Variants in NTAQ1 observed in about 807,000 individuals in gnomAD.
NTAQ1 encodes the protein N-terminal glutamine amidase 1.
NTAQ1 carries 21 observed loss-of-function variants against 28.2 expected under a neutral mutation model. That is an observed-to-expected ratio of 0.74 (90% CI 0.53 to 1.07). The LOEUF (loss-of-function observed/expected upper bound fraction) is 1.07, where lower values mean the gene tolerates loss of function less well. NTAQ1 is among the 50% of genes least tolerant of loss of function. NTAQ1 has a pLI of 0.00. For synonymous variants in NTAQ1, 105 were observed against 90.0 expected (o/e 1.17, Z -0.94); for missense variants, 264 against 256.6 (o/e 1.03, Z -0.20).
chr8:123,443,814 C>T (rs1429428522), downstream of NTAQ1, among the ~76,000 whole-genome samples: 1 of 152,192 alleles, frequency 6.6e-6, no homozygotes, highest in East Asian at 1.9e-4. Flanking sequence ...CTCAAGCAGT[C>T]TGCCCACCTC....
chr8:123,455,506 A>G (rs569172495), intron 6 of NTAQ1, among the ~76,000 whole-genome samples: 2 of 149,064 alleles, frequency 1.3e-5, no homozygotes, highest in Non-Finnish European at 1.5e-5. Context: ...GCTCATTACA[A>G]CCGTCGCCTC....
In NTAQ1 at chr8:123,425,271, T is replaced by C. The variant is rs184739182; in HGVS notation, c.84-2653T>C. Among the ~76,000 whole-genome samples, 24 of 152,046 alleles carry C rather than the reference T, an allele frequency of 1.6e-4. No individual in the cohort carries two copies. In the East Asian group the frequency reaches 4.5e-3, roughly 28 times the overall value. On this transcript the variant is annotated intron_variant, in intron 1 of 5. Coordinates refer to ENST00000287387, the MANE Select transcript of NTAQ1 (RefSeq NM_018024.3). The stretch of plus-strand genomic sequence containing the variant: ...CACGCCCAGCTAATTTTTGTATTTT[T>C]AGTAGAGACAGAGTTTCACCATATT...
At chr8:123,454,026 G>A (rs888374346) in intron 6 of NTAQ1, among the ~76,000 whole-genome samples, 1 of 152,164 alleles carries the variant, frequency 6.6e-6, no homozygotes, top group African/African-American at 2.4e-5. Context: ...GGGCAGGAGT[G>A]GGTCACTGAG....
At chr8:123,473,086 T>A (rs541227042), downstream of NTAQ1, among the ~76,000 whole-genome samples, 137 of 152,134 alleles carry the variant, frequency 9.0e-4, 1 homozygote, top group Non-Finnish European at 1.8e-3. Flanking sequence ...GTTTACTTTT[T>A]TTGCAAAAAT....
At chr8:123,462,639 C>T (rs936626115) in intron 6 of NTAQ1, among the ~76,000 whole-genome samples, 3 of 152,218 alleles carry the variant, frequency 2.0e-5, no homozygotes, top group Non-Finnish European at 4.4e-5. Context: ...GTCCTGTTAT[C>T]ATTCCCACTT....
chr8:123,465,489 A>G (rs1461922076), intron 6 of NTAQ1, among the ~76,000 whole-genome samples: 3 of 151,382 alleles, frequency 2.0e-5, no homozygotes, highest in East Asian at 3.9e-4. Flanking sequence ...CTATCACCAG[A>G]ATTTTGTCAT....
intron 6 of NTAQ1, among the ~76,000 whole-genome samples, chr8:123,461,262 C>T (rs1449740384): frequency 6.6e-6 from 1 of 152,092 alleles, no homozygotes; most frequent in African/African-American, 2.4e-5. Flanking sequence ...AGCCTTGGTC[C>T]CCAGCTGCCC....
At chr8:123,462,526 T>C (rs920153514) in intron 6 of NTAQ1, among the ~76,000 whole-genome samples, 1 of 152,170 alleles carries the variant, frequency 6.6e-6, no homozygotes, top group Admixed American at 6.5e-5. Context: ...AAGAAGGAGA[T>C]GATAATAATT....
At chr8:123,430,776 G>C (rs928536212) in intron 3 of NTAQ1, among the ~76,000 whole-genome samples, 3 of 152,162 alleles carry the variant, frequency 2.0e-5, no homozygotes, top group African/African-American at 7.2e-5. Context: ...GAGAGACCCT[G>C]TCTCAATAAA....
chr8:123,453,435 T>TC (rs1311170217), intron 6 of NTAQ1, among the ~76,000 whole-genome samples: 6 of 151,076 alleles, frequency 4.0e-5, no homozygotes, highest in Non-Finnish European at 7.4e-5. Context: ...CTTTTTTTTT[T>TC]TTTCTTTTTT....
At chr8:123,446,459 G>A (rs1486785765), downstream of NTAQ1, among the ~76,000 whole-genome samples, 1 of 152,228 alleles carries the variant, frequency 6.6e-6, no homozygotes, top group Non-Finnish European at 1.5e-5. Context: ...ATATGTAAAT[G>A]AATAGGTGTG....
intron 2 of NTAQ1, among the ~76,000 whole-genome samples, chr8:123,428,475 G>A (rs1279409100): frequency 1.3e-5 from 2 of 152,068 alleles, no homozygotes; most frequent in African/African-American, 2.4e-5. Context: ...TGGGAGTACA[G>A]GTGTGAGCCA....
intron 1 of NTAQ1, 27 bp downstream of exon 1, chr8:123,416,959 G>T: frequency 6.9e-7 from 1 of 1,439,544 alleles, no homozygotes; most frequent in Non-Finnish European, 9.2e-7. Context: ...GCAGCCTCTG[G>T]GTCTCCCAGG....
downstream of NTAQ1, among the ~76,000 whole-genome samples, chr8:123,443,759 G>C (rs1299141640): frequency 6.6e-6 from 1 of 152,142 alleles, no homozygotes; most frequent in Non-Finnish European, 1.5e-5. Context: ...TTTTAGTAGA[G>C]ATGGGGTTTT....
Position 123,436,515 on chromosome 8 carries a change from T to C in NTAQ1, c.297T>C (p.Asp99=). 6.2e-7 allele frequency: 1 copy of C among 1,614,058 alleles called. No individual in the cohort carries two copies. Among genetic ancestry groups the C allele is most frequent in the Non-Finnish European group, 8.5e-7 (1 of 1,179,938 alleles). Residue 99 remains aspartate (D), a synonymous_variant, in exon 4 of 6, where the codon GAT becomes GAC. Coordinates refer to ENST00000287387, the MANE Select transcript of NTAQ1 (RefSeq NM_018024.3). ...GACAGAACTTCATTTATGATCTCGA[T>C]ACTGTCTTGCCATTTCCCTGCCTCT... ...SGGQNFIYDL[D]TVLPFPCLFD... is the part of the protein sequence containing the mutation.
At chr8:123,437,785 G>A (rs1814818007) in intron 5 of NTAQ1, among the ~76,000 whole-genome samples, 1 of 152,102 alleles carries the variant, frequency 6.6e-6, no homozygotes, top group Admixed American at 6.6e-5. Flanking sequence ...TTCTGTGTGT[G>A]TATTAGATTC....
chr8:123,463,814 G>A (rs1285052993), intron 6 of NTAQ1, among the ~76,000 whole-genome samples: 1 of 152,086 alleles, frequency 6.6e-6, no homozygotes, highest in Non-Finnish European at 1.5e-5. Context: ...TCTAGAGCTG[G>A]GATGGTGATA....
At chr8:123,436,692 T>C in intron 4 of NTAQ1, 91 bp downstream of exon 4, 1 of 1,411,984 alleles carries the variant, frequency 7.1e-7, no homozygotes, top group South Asian at 1.3e-5. Context: ...AATTGTTTTG[T>C]AAAGATCTCG....
At chr8:123,438,017 C>T (rs1586949542) in intron 5 of NTAQ1, 3 of 589,858 alleles carry the variant, frequency 5.1e-6, no homozygotes, top group Middle Eastern at 2.7e-4. Context: ...AAGAAATCCC[C>T]ATTGCATCCT....
Sources: gnomAD v4.1 joint callset for allele counts (sites outside exome capture counted in the v4.1 genomes callset) on GRCh38, gnomAD v4.1.1 for gene constraint, MANE v1.5 for transcripts, NCBI Gene and HGNC (gene_info 2026-07-23, HGNC 2026-07-21) for gene names.